The following TAFA5 variants were observed in gnomAD, a reference collection of about 807,000 sequenced individuals.
TAFA5 encodes the protein TAFA chemokine like family member 5, also known as chemokine-like protein TAFA-5.
Under a neutral mutation model 15.3 loss-of-function variants are expected in TAFA5, and 6 were observed. The observed-to-expected ratio is 0.39, with a 90% CI of 0.21 to 0.77. The LOEUF is 0.77. TAFA5 is among the 30% of genes least tolerant of loss of function. The pLI, the probability that TAFA5 is intolerant of heterozygous loss-of-function variation, is 0.41. For synonymous variants in TAFA5, 103 were observed against 80.7 expected (o/e 1.28, Z -1.48); for missense variants, 161 against 193.1 (o/e 0.83, Z 0.98).
At chr22:48,688,746 T>C (rs1330354224) in intron 2 of TAFA5, among the ~76,000 whole-genome samples, 1 of 152,144 alleles carries the variant, frequency 6.6e-6, no homozygotes, top group Non-Finnish European at 1.5e-5. Flanking sequence ...ATCTCAGCAC[T>C]TTGGGAGGCC....
chr22:48,602,287 G>A (rs1022346425), intron 1 of TAFA5, among the ~76,000 whole-genome samples: 20 of 152,336 alleles, frequency 1.3e-4, no homozygotes, highest in African/African-American at 3.6e-4. Flanking sequence ...CCACCTTTCC[G>A]GGGCCACCCC....
rs556282556 is a variant in TAFA5, at chr22:48,604,083, C to T, written c.113-42514C>T. Among the ~76,000 whole-genome samples the T allele has an allele frequency of 1.9e-3, 282 of 152,324 alleles. 2 individuals carry two copies. Among genetic ancestry groups the T allele is most frequent in the African/African-American group, 5.9e-3 (245 of 41,578 alleles). ...TGTCTCATTCACTCCAAGCGACAGGCGCGCAAGCTACCGATGGATGAATTC... is the reference window on the plus strand; with the variant it reads ...TGTCTCATTCACTCCAAGCGACAGGTGCGCAAGCTACCGATGGATGAATTC... On this transcript the variant is annotated intron_variant, in intron 1 of 3. Transcript: ENST00000402357.
At chr22:48,579,769 T>C (rs1923963487) in intron 1 of TAFA5, among the ~76,000 whole-genome samples, 4 of 152,206 alleles carry the variant, frequency 2.6e-5, no homozygotes, top group African/African-American at 9.7e-5. Context: ...AGGAAAATAC[T>C]TCAAAGAGGA....
In TAFA5 at chr22:48,583,445, C is replaced by T. The variant is rs150341482; in HGVS notation, c.113-63152C>T. ...CACACACCACACACACAGTACCCAC[C>T]GCACACAAAATATACACATACCACA... is the stretch of plus-strand genomic sequence containing the variant. On this transcript the variant is annotated intron_variant, in intron 1 of 3. Coordinates refer to ENST00000402357, the MANE Select transcript of TAFA5 (RefSeq NM_001082967.3). Among the ~76,000 whole-genome samples, 655 of 141,030 alleles carry T rather than the reference C, an allele frequency of 4.6e-3. 38 individuals carry two copies. In the East Asian group the frequency reaches 0.11, roughly 24 times the overall value. 92.5% of individuals were successfully genotyped at this position (141,030 alleles called of 152,430 possible).
At chr22:48,743,711 T>C (rs1041411808) in intron 3 of TAFA5, among the ~76,000 whole-genome samples, 3 of 152,218 alleles carry the variant, frequency 2.0e-5, no homozygotes, top group African/African-American at 4.8e-5. Context: ...GTCTCTGATG[T>C]CCAATCTGCC....
intron 3 of TAFA5, among the ~76,000 whole-genome samples, chr22:48,745,465 G>A (rs1031422766): frequency 4.9e-5 from 7 of 142,238 alleles, no homozygotes; most frequent in South Asian, 2.3e-4. Flanking sequence ...GGGCACACAC[G>A]GCTTTGTCGT....
At chr22:48,579,539 T>A (rs895807517) in intron 1 of TAFA5, among the ~76,000 whole-genome samples, 2 of 152,224 alleles carry the variant, frequency 1.3e-5, no homozygotes, top group Non-Finnish European at 2.9e-5. Context: ...ACGACGTGTG[T>A]CACGGAGACG....
chr22:48,545,804 C>T (rs889933658), intron 1 of TAFA5: 1 of 152,654 alleles, frequency 6.6e-6, no homozygotes, highest in Admixed American at 6.5e-5. Context: ...GACACAGTCC[C>T]CACGGCCCGT....
intron 2 of TAFA5, among the ~76,000 whole-genome samples, chr22:48,704,154 G>T (rs910063149): frequency 6.6e-6 from 1 of 151,692 alleles, no homozygotes; most frequent in Non-Finnish European, 1.5e-5. Context: ...TTCCTTTCAT[G>T]TCCTTCAGTG....
intron 1 of TAFA5, among the ~76,000 whole-genome samples, chr22:48,608,416 C>T (rs996520812): frequency 1.3e-5 from 2 of 152,050 alleles, no homozygotes; most frequent in Non-Finnish European, 2.9e-5. Flanking sequence ...CTCATGAACA[C>T]GTGATACTGT....
intron 2 of TAFA5, among the ~76,000 whole-genome samples, chr22:48,649,161 C>G (rs1254338269): frequency 6.6e-6 from 1 of 152,256 alleles, no homozygotes; most frequent in Non-Finnish European, 1.5e-5. Flanking sequence ...GCCCAGGTCT[C>G]AGTCCGTGCA....
chr22:48,686,159 G>A (rs1223634191), intron 2 of TAFA5, among the ~76,000 whole-genome samples: 1 of 152,330 alleles, frequency 6.6e-6, no homozygotes, highest in African/African-American at 2.4e-5. Flanking sequence ...TGAACTGTGG[G>A]CAGCAGGCAG....
intron 1 of TAFA5, among the ~76,000 whole-genome samples, chr22:48,527,378 G>A (rs368351897): frequency 6.6e-6 from 1 of 152,240 alleles, no homozygotes; most frequent in Non-Finnish European, 1.5e-5. Context: ...CAGCTATGGT[G>A]TCGCCTGGCA....
Position 48,508,302 on chromosome 22 carries a change from G to A in TAFA5, c.112+18598G>A, listed in dbSNP as rs953285098. On this transcript the variant is annotated intron_variant, in intron 1 of 3. Coordinates refer to ENST00000402357, the MANE Select transcript of TAFA5 (RefSeq NM_001082967.3). ...ACCCAGGGTAGGCTAGAGAGTAGGC[G>A]GGGGTGCAGCCAGTCCCCTCCAGGG... Among the ~76,000 whole-genome samples, 21 of 150,804 alleles carry A rather than the reference G, an allele frequency of 1.4e-4. No individual in the cohort carries two copies. In the East Asian group the frequency reaches 1.5e-3, roughly 11 times the overall value.
At chr22:48,529,692 G>A (rs189480334) in intron 1 of TAFA5, among the ~76,000 whole-genome samples, 8 of 151,806 alleles carry the variant, frequency 5.3e-5, no homozygotes, top group Admixed American at 2.6e-4. Flanking sequence ...GGGTGTCCAG[G>A]TGGGATTCCA....
At chr22:48,653,356 A>G (rs565504952) in intron 2 of TAFA5, among the ~76,000 whole-genome samples, 12 of 152,306 alleles carry the variant, frequency 7.9e-5, no homozygotes, top group Non-Finnish European at 1.6e-4. Flanking sequence ...TAGGACGTGG[A>G]TGTGAATTGC....
At chr22:48,714,204 A>C (rs1031087867) in intron 3 of TAFA5, among the ~76,000 whole-genome samples, 7 of 152,214 alleles carry the variant, frequency 4.6e-5, no homozygotes, top group Non-Finnish European at 8.8e-5. Flanking sequence ...CGAGACACTC[A>C]CACTTCCTTT....
rs114331014 is a variant in TAFA5, at chr22:48,505,087, T to C, written c.112+15383T>C. ...CACCCATCTCTCAGGAGGGACCTGCTGAATGGCCTGTCTACCTGCCACTTG... is the reference window on the plus strand; with the variant it reads ...CACCCATCTCTCAGGAGGGACCTGCCGAATGGCCTGTCTACCTGCCACTTG... On this transcript the variant is annotated intron_variant, in intron 1 of 3. Transcript: ENST00000402357. 3.7e-3 allele frequency among the ~76,000 whole-genome samples: 561 copies of C among 152,330 alleles called. 1 individual carries two copies. Among genetic ancestry groups the C allele is most frequent in the African/African-American group, 0.013 (546 of 41,580 alleles).
chr22:48,739,389 T>C (rs1930117641), intron 3 of TAFA5, among the ~76,000 whole-genome samples: 1 of 152,202 alleles, frequency 6.6e-6, no homozygotes, highest in African/African-American at 2.4e-5. Context: ...AGCGAAAGAA[T>C]ACACGCCTTC....
Sources: gnomAD v4.1 joint callset for allele counts (sites outside exome capture counted in the v4.1 genomes callset) on GRCh38, gnomAD v4.1.1 for gene constraint, MANE v1.5 for transcripts, NCBI Gene and HGNC (gene_info 2026-07-23, HGNC 2026-07-21) for gene names.